TRIM55: variants seen among roughly 807,000 people sequenced by gnomAD.
The protein encoded by TRIM55 is tripartite motif containing 55.
Under a neutral mutation model 60.9 loss-of-function variants are expected in TRIM55, and 50 were observed. The observed-to-expected ratio is 0.82, with a 90% CI of 0.65 to 1.04. The LOEUF (loss-of-function observed/expected upper bound fraction) is 1.04. Ranked by LOEUF, TRIM55 falls within the 50% of genes least tolerant of loss-of-function variation. The probability of loss-of-function intolerance (pLI) is 0.00; values close to 1 mark genes in which losing one functional copy is unlikely to be tolerated. For missense variants in TRIM55, 681 were observed against 666.9 expected (o/e 1.02, Z -0.23); for synonymous variants, 237 against 238.1 (o/e 1.00, Z 0.04).
intron 4 of TRIM55, among the ~76,000 whole-genome samples, chr8:66,144,728 C>A (rs961916260): frequency 2.0e-5 from 3 of 152,196 alleles, no homozygotes; most frequent in Non-Finnish European, 4.4e-5. Context: ...AAGATACATA[C>A]CTTTTTACTC....
intron 9 of TRIM55, among the ~76,000 whole-genome samples, chr8:66,165,216 G>A (rs1415454947): frequency 4.6e-5 from 7 of 152,298 alleles, no homozygotes; most frequent in African/African-American, 7.2e-5. Context: ...CAACCTTTGT[G>A]AGCCCCGCAT....
At chr8:66,136,883 C>A (rs1189305891) in intron 3 of TRIM55, among the ~76,000 whole-genome samples, 1 of 152,152 alleles carries the variant, frequency 6.6e-6, no homozygotes, top group Non-Finnish European at 1.5e-5. Flanking sequence ...AATATTAAGA[C>A]TGATGAAAAC....
chr8:66,147,336 G>T (rs995100670), intron 4 of TRIM55, among the ~76,000 whole-genome samples: 11 of 152,288 alleles, frequency 7.2e-5, no homozygotes, highest in African/African-American at 2.6e-4. Flanking sequence ...ATTTGGTTGG[G>T]AACTGTGATG....
rs116493947 is a variant in TRIM55, at chr8:66,144,311, T to G, written c.604-5334T>G. Among the ~76,000 whole-genome samples, 1,155 of 152,364 alleles carry G rather than the reference T, an allele frequency of 7.6e-3. 14 individuals carry two copies. Among genetic ancestry groups the G allele is most frequent in the African/African-American group, 0.026 (1,091 of 41,582 alleles). On this transcript the variant is annotated intron_variant, in intron 4 of 9. Transcript: ENST00000315962. Reference sequence around the variant, plus strand: ...TATGGGAGGGATGATCTTCACTTTATAAAATCATCCCTTTTTGGTATATTG... The same window carrying G: ...TATGGGAGGGATGATCTTCACTTTAGAAAATCATCCCTTTTTGGTATATTG...
chr8:66,120,974 G>C, the TRIM55 span, among the ~76,000 whole-genome samples: 3 of 152,148 alleles, frequency 2.0e-5, no homozygotes, highest in Non-Finnish European at 2.9e-5. Context: ...TGTGAAATTT[G>C]GCCTAACTCC....
the TRIM55 span, among the ~76,000 whole-genome samples, chr8:66,119,678 A>T: frequency 6.6e-6 from 1 of 152,234 alleles, no homozygotes; most frequent in Admixed American, 6.5e-5. Context: ...GCCAGAGAGT[A>T]CAAAATCACC....
At chr8:66,158,201 A>T (rs917985968) in intron 9 of TRIM55, among the ~76,000 whole-genome samples, 1 of 130,504 alleles carries the variant, frequency 7.7e-6, no homozygotes, top group Non-Finnish European at 1.6e-5. Flanking sequence ...ACACACACAC[A>T]CTGCAGCCAG....
At chr8:66,147,498 A>T (rs1209297946) in intron 4 of TRIM55, among the ~76,000 whole-genome samples, 5 of 141,322 alleles carry the variant, frequency 3.5e-5, no homozygotes, top group Admixed American at 2.1e-4. Flanking sequence ...GAAACACATT[A>T]AAAAAAAAAT....
intron 7 of TRIM55, 58 bp from the exon 8 acceptor site, chr8:66,152,319 C>G: frequency 6.6e-7 from 1 of 1,523,500 alleles, no homozygotes; most frequent in Non-Finnish European, 8.8e-7. Context: ...TGGCCATTAA[C>G]TGTGTCCATG....
intron 9 of TRIM55, among the ~76,000 whole-genome samples, chr8:66,170,834 A>G (rs1187617737): frequency 6.6e-6 from 1 of 152,240 alleles, no homozygotes; most frequent in Admixed American, 6.5e-5. Flanking sequence ...GGCCTCACAC[A>G]GATATTTGCA....
chr8:66,159,296 G>A (rs1810917191), intron 9 of TRIM55, among the ~76,000 whole-genome samples: 1 of 152,196 alleles, frequency 6.6e-6, no homozygotes, highest in South Asian at 2.1e-4. Context: ...AGTATTGTAT[G>A]CTTTTATAAC....
At chr8:66,141,688 C>T (rs1315331141) in intron 4 of TRIM55, among the ~76,000 whole-genome samples, 1 of 152,230 alleles carries the variant, frequency 6.6e-6, no homozygotes, top group Non-Finnish European at 1.5e-5. Context: ...GGCCTAGAAA[C>T]ATCCCTGTTT....
chr8:66,125,135 T>G (rs1808771257), upstream of TRIM55, among the ~76,000 whole-genome samples: 1 of 152,252 alleles, frequency 6.6e-6, no homozygotes, highest in South Asian at 2.1e-4. Context: ...TTCTTTTCCC[T>G]TTAAATATTA....
intron 9 of TRIM55, among the ~76,000 whole-genome samples, chr8:66,172,194 A>G (rs1811680823): frequency 6.6e-6 from 1 of 152,184 alleles, no homozygotes; most frequent in South Asian, 2.1e-4. Context: ...GTAGGTTCTC[A>G]TCTCTATTTT....
At chr8:66,114,112 A>T in the TRIM55 span, among the ~76,000 whole-genome samples, 65 of 123,584 alleles carry the variant, frequency 5.3e-4, no homozygotes, top group African/African-American at 1.8e-3. Flanking sequence ...GTTGCTTTGA[A>T]CCAAAAAAGT....
At chr8:66,170,136 C>T (rs948857579) in intron 9 of TRIM55, among the ~76,000 whole-genome samples, 1 of 152,084 alleles carries the variant, frequency 6.6e-6, no homozygotes, top group South Asian at 2.1e-4. Flanking sequence ...TTCTAAGTGC[C>T]CAGTTCTGTA....
At chr8:66,136,006 G>A (rs1318873890) in intron 3 of TRIM55, among the ~76,000 whole-genome samples, 1 of 152,066 alleles carries the variant, frequency 6.6e-6, no homozygotes, top group Non-Finnish European at 1.5e-5. Flanking sequence ...TTACTGTGAA[G>A]ATCAGTGCTG....
rs1332282150 is a variant in TRIM55 at position 66,149,821 on chromosome 8, G to A, written c.780G>A (p.Lys260=). The A allele has an allele frequency of 6.2e-7, 1 of 1,614,206 alleles. No individual in the cohort carries two copies. The highest frequency in any genetic ancestry group is 1.1e-5 in the South Asian group (1 of 91,088). The stretch of plus-strand genomic sequence containing the variant: ...CTGATCATTTGGAGAACGTCTCAAA[G>A]TTGGTTGAGTCAGGAATTCAGTTTA... The part of the protein sequence containing the change: ...KYSDHLENVS[K]LVESGIQFMD... Residue 260 remains lysine, a synonymous_variant, in exon 5 of 10, where the codon AAG becomes AAA. Transcript: ENST00000315962.
intron 9 of TRIM55, among the ~76,000 whole-genome samples, chr8:66,167,820 C>T (rs922072117): frequency 6.6e-6 from 1 of 152,096 alleles, no homozygotes; most frequent in Non-Finnish European, 1.5e-5. Flanking sequence ...GTGATCATAG[C>T]TCATTACAAC....
Sources: allele counts gnomAD v4.1 joint callset (sites outside exome capture counted in the v4.1 genomes callset), GRCh38; gene constraint gnomAD v4.1.1; transcripts MANE v1.5; gene names NCBI Gene and HGNC (gene_info 2026-07-23, HGNC 2026-07-21).